Variants in KPNA3 observed in about 807,000 individuals in gnomAD.
The protein encoded by KPNA3 is karyopherin subunit alpha 3.
Under a neutral mutation model 73.8 loss-of-function variants are expected in KPNA3, and 13 were observed. That is an observed-to-expected ratio of 0.18 (90% confidence interval 0.11 to 0.28). The LOEUF (loss-of-function observed/expected upper bound fraction) is 0.28, where lower values mean the gene tolerates loss of function less well. Ranked by LOEUF, KPNA3 falls within the 10% of genes least tolerant of loss-of-function variation. KPNA3 has a pLI of 1.00. For missense variants in KPNA3, 360 were observed against 618.1 expected (o/e 0.58, Z 4.43); for synonymous variants, 186 against 206.9 (o/e 0.90, Z 0.87).
intron 2 of KPNA3, among the ~76,000 whole-genome samples, chr13:49,736,358 A>G (rs1197003761): frequency 6.6e-6 from 1 of 152,180 alleles, no homozygotes; most frequent in Non-Finnish European, 1.5e-5. Flanking sequence ...GATTAAAACA[A>G]ATTTTTTAAA....
At chr13:49,713,558 C>T (rs79186732) in intron 10 of KPNA3, among the ~76,000 whole-genome samples, 11,124 of 149,668 alleles carry the variant, frequency 0.074, 1,222 homozygotes, top group East Asian at 0.59. Flanking sequence ...AAAACTTATA[C>T]ATTAATAAAA....
intron 6 of KPNA3, among the ~76,000 whole-genome samples, chr13:49,731,575 T>C (rs1405237289): frequency 6.6e-6 from 1 of 152,180 alleles, no homozygotes; most frequent in East Asian, 1.9e-4. Context: ...GCAACATTTA[T>C]ATACCACTAT....
At chr13:49,712,467 T>C (rs552915155) in intron 10 of KPNA3, among the ~76,000 whole-genome samples, 95 of 149,066 alleles carry the variant, frequency 6.4e-4, no homozygotes, top group Non-Finnish European at 1.2e-3. Context: ...CAAAGATACA[T>C]CAATAGAAAT....
Position 49,701,647 on chromosome 13 carries a change from T to C in KPNA3, c.*153A>G. On this transcript the variant is annotated 3_prime_UTR_variant, in exon 17 of 17. Coordinates refer to ENST00000261667, the MANE Select transcript of KPNA3 (RefSeq NM_002267.4). ...CCATGTGATAGTGACTTTTGGCAAC[T>C]GCAAAGTGACTGAGACATGGCTTGC... The C allele has an allele frequency of 3.9e-6, 3 of 764,600 alleles. No homozygotes were observed. The highest frequency in any genetic ancestry group is 2.7e-5 in the South Asian group (2 of 73,014). 47.4% of individuals were successfully genotyped at this position (764,600 alleles called of 1,614,324 possible).
At chr13:49,790,015 C>T (rs550348842) in intron 1 of KPNA3, among the ~76,000 whole-genome samples, 13 of 152,186 alleles carry the variant, frequency 8.5e-5, no homozygotes, top group African/African-American at 3.1e-4. Context: ...TAATTATCAC[C>T]CCCACTGGAC....
intron 1 of KPNA3, among the ~76,000 whole-genome samples, chr13:49,775,849 G>A (rs1390320618): frequency 2.6e-5 from 4 of 151,996 alleles, no homozygotes; most frequent in Non-Finnish European, 5.9e-5. Flanking sequence ...TCGGACTTGG[G>A]GTGGGTCATA....
intron 6 of KPNA3, among the ~76,000 whole-genome samples, chr13:49,730,951 T>A (rs77876248): frequency 0.014 from 2,103 of 149,398 alleles, 47 homozygotes; most frequent in African/African-American, 0.047. Flanking sequence ...TGATTTTTTT[T>A]AATATTTTTT....
At chr13:49,768,236 GCCACTGCA>G (rs1410474024) in intron 1 of KPNA3, among the ~76,000 whole-genome samples, 2 of 139,982 alleles carry the variant, frequency 1.4e-5, no homozygotes, top group Non-Finnish European at 3.0e-5. Flanking sequence ...CCAAGATCGC[GCCACTGCA>G]CTCCAGCCTG....
Position 49,722,063 on chromosome 13 carries a change from G to A in KPNA3, c.618C>T (p.Ser206=). Residue 206 remains serine (S), a synonymous_variant, in exon 9 of 17, where the codon TCC becomes TCT. Transcript: ENST00000261667. ...TGATGGGGATGGAGGGACTGATGAAGGACAGAAGAGGTTTGACAACTCCCA... is the reference window on the plus strand; with the variant it reads ...TGATGGGGATGGAGGGACTGATGAAAGACAGAAGAGGTTTGACAACTCCCA... ...ISLGVVKPLL[S]FISPSIPITF... 1.2e-6 allele frequency: 2 copies of A among 1,611,588 alleles called. No individual in the cohort carries two copies. Among genetic ancestry groups the A allele is most frequent in the South Asian group, 1.1e-5 (1 of 90,672 alleles).
At chr13:49,719,073 T>C (rs1313639959) in intron 10 of KPNA3, among the ~76,000 whole-genome samples, 1 of 152,134 alleles carries the variant, frequency 6.6e-6, no homozygotes, top group Non-Finnish European at 1.5e-5. Context: ...ACTGTTTTAC[T>C]CCATGGAAAA....
chr13:49,732,687 GAAA>G, intron 4 of KPNA3, 30 bp from the exon 5 acceptor site: 7 of 1,381,566 alleles, frequency 5.1e-6, no homozygotes, highest in Admixed American at 2.0e-5. Context: ...TTTCAGAAAT[GAAA>G]AAAAAAAAAT....
At chr13:49,710,039 G>A (rs1480252152) in intron 11 of KPNA3, among the ~76,000 whole-genome samples, 1 of 152,148 alleles carries the variant, frequency 6.6e-6, no homozygotes, top group African/African-American at 2.4e-5. Flanking sequence ...AGGCGGGGGG[G>A]ATCACCTGAG....
intron 10 of KPNA3, among the ~76,000 whole-genome samples, chr13:49,713,134 T>G (rs2137537189): frequency 6.6e-6 from 1 of 152,232 alleles, no homozygotes; most frequent in Admixed American, 6.5e-5. Context: ...GCTGAGGTTG[T>G]AACCCTGTTA....
chr13:49,755,382 T>C (rs1410057766), intron 1 of KPNA3, among the ~76,000 whole-genome samples: 1 of 152,208 alleles, frequency 6.6e-6, no homozygotes. Flanking sequence ...TATGTTTCCC[T>C]AGATTGAGAA....
intron 7 of KPNA3, among the ~76,000 whole-genome samples, chr13:49,724,991 T>C (rs868833684): frequency 1.3e-5 from 2 of 152,212 alleles, no homozygotes; most frequent in African/African-American, 4.8e-5. Context: ...TAAAATTAGC[T>C]AAGTGTCCCA....
intron 6 of KPNA3, among the ~76,000 whole-genome samples, chr13:49,729,255 T>TA (rs1010720749): frequency 2.0e-5 from 3 of 151,414 alleles, no homozygotes; most frequent in Non-Finnish European, 1.5e-5. Context: ...AGGGAAGAAG[T>TA]AAAAAAAACA....
chr13:49,760,567 G>A (rs146032111), intron 1 of KPNA3, among the ~76,000 whole-genome samples: 51 of 152,206 alleles, frequency 3.4e-4, no homozygotes, highest in Non-Finnish European at 6.0e-4. Flanking sequence ...TCAATCAATC[G>A]CAATGTGTGG....
Position 49,704,216 on chromosome 13 carries a change from G to C in KPNA3, c.1372+1405C>G, listed in dbSNP as rs530438652. On this transcript the variant is annotated intron_variant, in intron 15 of 16. Transcript: ENST00000261667. ...GCGGGCAGATCACCCGAGGTTGGGA[G>C]TTTAAGACCAGCCTGACCAACACGG... Among the ~76,000 whole-genome samples the C allele has an allele frequency of 2.3e-3, 356 of 152,190 alleles. 2 individuals are homozygous for C. Among genetic ancestry groups the C allele is most frequent in the Non-Finnish European group, 3.7e-3 (250 of 67,984 alleles).
intron 9 of KPNA3, among the ~76,000 whole-genome samples, chr13:49,720,235 G>A (rs1173301713): frequency 6.6e-6 from 1 of 152,090 alleles, no homozygotes; most frequent in Non-Finnish European, 1.5e-5. Flanking sequence ...GTAAAAATAC[G>A]ATTTTACTTA....
Sources: allele counts gnomAD v4.1 joint callset (sites outside exome capture counted in the v4.1 genomes callset), GRCh38; gene constraint gnomAD v4.1.1; transcripts MANE v1.5; gene names NCBI Gene and HGNC (gene_info 2026-07-23, HGNC 2026-07-21).